ATL2: variants seen among roughly 807,000 people sequenced by gnomAD.
The protein encoded by ATL2 is atlastin-2.
In ATL2, 31 loss-of-function variants were observed where a neutral mutation model predicts 73.9. The ratio of observed to expected loss-of-function variants is 0.42; its 90% CI spans 0.32 to 0.57. ATL2 has a LOEUF of 0.57. Among genes scored for constraint, ATL2 ranks in the 20% least tolerant of loss-of-function variants. ATL2 has a pLI of 0.14. For synonymous variants in ATL2, 291 were observed against 237.5 expected (o/e 1.23, Z -2.07); for missense variants, 738 against 702.6 (o/e 1.05, Z -0.57).
intron 10 of ATL2, 52 bp downstream of exon 10, chr2:38,300,220 C>A: frequency 7.1e-7 from 1 of 1,410,542 alleles, no homozygotes; most frequent in Non-Finnish European, 9.7e-7. Flanking sequence ...GATTTTTATT[C>A]TCCCTCATAA....
At chr2:38,297,453 C>A (rs769885553) in intron 12 of ATL2, among the ~76,000 whole-genome samples, 2 of 152,140 alleles carry the variant, frequency 1.3e-5, no homozygotes, top group Admixed American at 6.5e-5. Context: ...ACAGGTAATT[C>A]CAGCACACCG....
intron 9 of ATL2, among the ~76,000 whole-genome samples, chr2:38,305,568 T>C (rs966530286): frequency 1.3e-5 from 2 of 151,618 alleles, no homozygotes; most frequent in Middle Eastern, 3.5e-3. Context: ...ATCAAAAAAA[T>C]TGAAATTATA....
intron 1 of ATL2, among the ~76,000 whole-genome samples, chr2:38,355,178 G>A (rs1212652216): frequency 1.3e-5 from 2 of 152,142 alleles, no homozygotes; most frequent in East Asian, 1.9e-4. Flanking sequence ...CCAGGCTGGA[G>A]TGCAATGGCA....
At chr2:38,371,674 G>A (rs539891130) in intron 1 of ATL2, among the ~76,000 whole-genome samples, 209 of 152,210 alleles carry the variant, frequency 1.4e-3, no homozygotes, top group Non-Finnish European at 2.5e-3. Context: ...AAGGTGGGTG[G>A]ATCACCTGAG....
chr2:38,296,292 A>G, intron 12 of ATL2, 179 bp from the exon 13 acceptor site: 1 of 1,440,128 alleles, frequency 6.9e-7, no homozygotes, highest in Non-Finnish European at 9.1e-7. Context: ...ATAATGCAAC[A>G]AAAATTACTT....
At chr2:38,313,083 G>T in intron 7 of ATL2, 68 bp downstream of exon 7, 1 of 1,095,186 alleles carries the variant, frequency 9.1e-7, no homozygotes, top group Non-Finnish European at 1.4e-6. Context: ...GTGACCAGCA[G>T]TCCGGACAGC....
chr2:38,374,383 C>T (rs867315925), intron 1 of ATL2, among the ~76,000 whole-genome samples: 1 of 152,290 alleles, frequency 6.6e-6, no homozygotes. Flanking sequence ...GTAAATAATA[C>T]ACCTGGACTT....
intron 11 of ATL2, among the ~76,000 whole-genome samples, chr2:38,298,811 A>G (rs1667039305): frequency 6.6e-6 from 1 of 152,210 alleles, no homozygotes; most frequent in African/African-American, 2.4e-5. Context: ...AAAAAATTTT[A>G]CACTGTGCTC....
At chr2:38,337,301 A>G (rs1272570396) in intron 2 of ATL2, among the ~76,000 whole-genome samples, 1 of 151,758 alleles carries the variant, frequency 6.6e-6, no homozygotes, top group East Asian at 1.9e-4. Context: ...CCTAACCAAC[A>G]TGGTGAAACC....
rs991275047 is a variant in ATL2, at chr2:38,318,474, A to G, written c.603+61T>C. On this transcript the variant is annotated intron_variant, in intron 4 of 12. Transcript: ENST00000378954. ...AGAGTGAAACTCTGTCTCAAAAAAG[A>G]AAAAAAAAAGGGGCCAAATGATTAC... 7.1e-6 allele frequency: 7 copies of G among 989,328 alleles called. No homozygotes were observed. The African/African-American group carries it at 1.9e-4, about 27-fold the overall frequency. The allele number at this position is 989,328 out of a possible 1,614,324, so 61.3% of individuals were successfully genotyped here.
At chr2:38,349,119 T>A (rs1240439322) in intron 1 of ATL2, among the ~76,000 whole-genome samples, 2 of 151,800 alleles carry the variant, frequency 1.3e-5, no homozygotes, top group African/African-American at 4.8e-5. Flanking sequence ...GTGTGGCGAT[T>A]CCTCAGGGAT....
chr2:38,376,758 C>T (rs938125962), intron 1 of ATL2, among the ~76,000 whole-genome samples: 3 of 151,968 alleles, frequency 2.0e-5, no homozygotes, highest in African/African-American at 7.2e-5. Flanking sequence ...CCGGAGCTCG[C>T]CGGACGGAGC....
In ATL2 at chr2:38,319,019, C is replaced by T. The variant is rs753260503; in HGVS notation, c.364G>A (p.Asp122Asn). The change falls in exon 3 of 13, where the codon GAT (aspartate) becomes AAT (asparagine). Residue 122 changes from aspartate (D) to asparagine (N), a missense_variant and splice_region_variant. Physicochemically the swap from Asp to Asn is conservative, Grantham distance 23. Coordinates refer to ENST00000378954, the MANE Select transcript of ATL2 (RefSeq NM_001135673.4). ...DFMLRYMYNK[D>N]SQSWIGGNNE... ...TTTCCACCAATCCAACTTTGAGAATCCTGTTAAAGTCAAGGATAAATGTAA... is the reference window on the plus strand; with the variant it reads ...TTTCCACCAATCCAACTTTGAGAATTCTGTTAAAGTCAAGGATAAATGTAA... 1 of 1,610,656 alleles carries T rather than the reference C, an allele frequency of 6.2e-7. No homozygotes were observed. Among genetic ancestry groups the T allele is most frequent in the Admixed American group, 1.7e-5 (1 of 59,230 alleles).
chr2:38,341,904 G>T (rs1299751689), intron 2 of ATL2, among the ~76,000 whole-genome samples: 1 of 152,120 alleles, frequency 6.6e-6, no homozygotes, highest in Non-Finnish European at 1.5e-5. Flanking sequence ...TGAGCACCCT[G>T]ACAGGTGTTT....
intron 2 of ATL2, 117 bp downstream of exon 2, chr2:38,343,151 A>T (rs1415983987): frequency 1.7e-3 from 148 of 86,238 alleles, no homozygotes; most frequent in South Asian, 0.01. Flanking sequence ...ACTTAAATTA[A>T]AAAAAAAAAA....
chr2:38,376,995 T>C lies in ATL2; in HGVS notation c.118+148A>G, dbSNP rs1246122084. On this transcript the variant is annotated intron_variant, in intron 1 of 12. Transcript: ENST00000378954. Reference sequence around the variant, plus strand: ...CGGGAGCGCGGGGCGCGGCTGAGGCTAGGCCCGGCGGGCAGGCGCGGCGGC... The same window carrying C: ...CGGGAGCGCGGGGCGCGGCTGAGGCCAGGCCCGGCGGGCAGGCGCGGCGGC... The C allele has an allele frequency of 9.0e-6, 5 of 555,922 alleles. No individual in the cohort carries two copies. The African/African-American group carries it at 1.0e-4, about 11-fold the overall frequency. 34.4% of individuals were successfully genotyped at this position (555,922 alleles called of 1,614,324 possible). A position where few individuals can be genotyped will look rare whatever the true frequency, so the allele number is the denominator to read the frequency against.
chr2:38,306,138 G>A (rs934473084), intron 9 of ATL2, among the ~76,000 whole-genome samples: 2 of 152,104 alleles, frequency 1.3e-5, no homozygotes, highest in Non-Finnish European at 2.9e-5. Context: ...AAATGGGAAA[G>A]CCTAGAAGAA....
chr2:38,370,638 G>T (rs550515667), intron 1 of ATL2, among the ~76,000 whole-genome samples: 1 of 151,926 alleles, frequency 6.6e-6, no homozygotes, highest in East Asian at 1.9e-4. Context: ...GTGGTAGCGG[G>T]TGCCTGTAGT....
At chr2:38,346,011 T>TC (rs1401394825) in intron 1 of ATL2, among the ~76,000 whole-genome samples, 2 of 152,182 alleles carry the variant, frequency 1.3e-5, no homozygotes, top group Non-Finnish European at 2.9e-5. Flanking sequence ...GCTTTTATTT[T>TC]CCCCTTGAAA....
Sources: allele counts gnomAD v4.1 joint callset (sites outside exome capture counted in the v4.1 genomes callset), GRCh38; gene constraint gnomAD v4.1.1; transcripts MANE v1.5; gene names NCBI Gene and HGNC (gene_info 2026-07-23, HGNC 2026-07-21).